The following KAZN variants were observed in gnomAD, a reference collection of about 807,000 sequenced individuals.
KAZN encodes the protein kazrin.
KAZN carries 40 observed loss-of-function variants against 87.4 expected under a neutral mutation model. The observed-to-expected ratio is 0.46, with a 90% CI of 0.36 to 0.60. KAZN has a LOEUF of 0.60. Among genes scored for constraint, KAZN ranks in the 20% least tolerant of loss-of-function variants. The pLI is 0.00. For synonymous variants in KAZN, 466 were observed against 458.3 expected (o/e 1.02, Z -0.22); for missense variants, 898 against 1,073.9 (o/e 0.84, Z 2.29).
chr1:14,845,982 C>T lies in KAZN; in HGVS notation c.227-114702C>T, dbSNP rs368548088. 4.6e-5 allele frequency among the ~76,000 whole-genome samples: 7 copies of T among 152,268 alleles called. No individual in the cohort carries two copies. The East Asian group carries it at 1.4e-3, about 29-fold the overall frequency. Reference sequence around the variant, plus strand: ...GCCAAGTTAGTCAACAGAAAAATCCCGTGTCTCCCAGGAGTGGGCTGACTT... The same window carrying T: ...GCCAAGTTAGTCAACAGAAAAATCCTGTGTCTCCCAGGAGTGGGCTGACTT... On this transcript the variant is annotated intron_variant, in intron 1 of 14. Coordinates refer to ENST00000376030, the MANE Select transcript of KAZN (RefSeq NM_201628.3).
At chr1:14,166,037 A>G (rs1645818365) in intron 1 of KAZN, among the ~76,000 whole-genome samples, 1 of 152,200 alleles carries the variant, frequency 6.6e-6, no homozygotes, top group Admixed American at 6.5e-5. Flanking sequence ...AGTAAATTAA[A>G]AAAACTAACA....
chr1:15,037,110 C>T (rs1003194023), intron 3 of KAZN, among the ~76,000 whole-genome samples: 2 of 152,126 alleles, frequency 1.3e-5, no homozygotes, highest in Admixed American at 1.3e-4. Context: ...CTGTGTCCAC[C>T]TCTCTCATTT....
intron 1 of KAZN, among the ~76,000 whole-genome samples, chr1:14,901,575 C>T (rs1294527803): frequency 2.6e-5 from 4 of 152,088 alleles, no homozygotes; most frequent in Non-Finnish European, 4.4e-5. Context: ...CTGCTGTGAT[C>T]GTCCAGGGGA....
chr1:13,937,585 G>T (rs12031130), intron 1 of KAZN, among the ~76,000 whole-genome samples: 1 of 152,094 alleles, frequency 6.6e-6, no homozygotes, highest in Non-Finnish European at 1.5e-5. Flanking sequence ...GGACTTAGTC[G>T]TAAGTTCTTT....
intron 2 of KAZN, among the ~76,000 whole-genome samples, chr1:14,459,036 G>A (rs1270008308): frequency 2.0e-5 from 3 of 152,246 alleles, no homozygotes; most frequent in East Asian, 1.9e-4. Context: ...GGGTGGCCCC[G>A]TTACTTGCTT....
chr1:14,971,682 T>TA (rs1665058289), intron 2 of KAZN, among the ~76,000 whole-genome samples: 1 of 91,922 alleles, frequency 1.1e-5, no homozygotes, highest in Non-Finnish European at 1.8e-5. Flanking sequence ...TTTCTTTTTC[T>TA]TTTTTTTTTT....
intron 1 of KAZN, among the ~76,000 whole-genome samples, chr1:14,947,268 TC>T (rs1480196816): frequency 1.3e-5 from 2 of 152,170 alleles, no homozygotes; most frequent in African/African-American, 4.8e-5. Context: ...AATTTTTTTT[TC>T]CTCAAGGGTG....
At chr1:14,099,422 C>T (rs1310523093) in intron 1 of KAZN, among the ~76,000 whole-genome samples, 1 of 152,120 alleles carries the variant, frequency 6.6e-6, no homozygotes, top group African/African-American at 2.4e-5. Flanking sequence ...CAAATATAGC[C>T]TGTACCCTGT....
chr1:14,978,195 T>A (rs6429699), intron 2 of KAZN, among the ~76,000 whole-genome samples: 27,119 of 152,168 alleles, frequency 0.18, 2,637 homozygotes, highest in African/African-American at 0.23. Flanking sequence ...ACATGCTTGC[T>A]GGCAGGGCCT....
chr1:14,123,537 A>C (rs1644795947), intron 1 of KAZN, among the ~76,000 whole-genome samples: 1 of 152,186 alleles, frequency 6.6e-6, no homozygotes, highest in African/African-American at 2.4e-5. Flanking sequence ...AATTCCAAAT[A>C]CAGAGAAGAG....
At chr1:14,997,519 T>C (rs1573015944) in intron 2 of KAZN, among the ~76,000 whole-genome samples, 1 of 152,018 alleles carries the variant, frequency 6.6e-6, no homozygotes, top group Admixed American at 6.6e-5. Flanking sequence ...GGATTACAGG[T>C]GTGAGCCACC....
At chr1:14,541,453 G>C (rs569216956) in intron 2 of KAZN, among the ~76,000 whole-genome samples, 2 of 152,306 alleles carry the variant, frequency 1.3e-5, no homozygotes, top group South Asian at 4.1e-4. Context: ...CAGTGAAGGT[G>C]AATCTTGAGC....
chr1:15,028,319 G>T (rs1671370422), intron 2 of KAZN, among the ~76,000 whole-genome samples: 1 of 152,246 alleles, frequency 6.6e-6, no homozygotes, highest in Non-Finnish European at 1.5e-5. Flanking sequence ...TGGCTTGGCT[G>T]CTGGAATAGG....
intron 11 of KAZN, 100 bp from the exon 12 acceptor site, chr1:15,103,257 ACT>A (rs1303131271): frequency 8.6e-6 from 7 of 809,584 alleles, no homozygotes; most frequent in East Asian, 2.7e-5. Context: ...GCAGAGAGAG[ACT>A]CTGTCTCGGG....
intron 1 of KAZN, among the ~76,000 whole-genome samples, chr1:14,733,694 G>A (rs1349311967): frequency 6.6e-6 from 1 of 152,130 alleles, no homozygotes; most frequent in Non-Finnish European, 1.5e-5. Flanking sequence ...GCAGCTTCCT[G>A]GATGTGTCTG....
intron 2 of KAZN, among the ~76,000 whole-genome samples, chr1:14,253,987 G>A (rs1650281289): frequency 1.3e-5 from 2 of 151,424 alleles, no homozygotes; most frequent in Admixed American, 1.3e-4. Context: ...ATGCATTTTT[G>A]GTTTCGTTTA....
intron 2 of KAZN, among the ~76,000 whole-genome samples, chr1:14,186,169 G>A (rs1646302857): frequency 6.6e-6 from 1 of 152,174 alleles, no homozygotes; most frequent in African/African-American, 2.4e-5. Flanking sequence ...ACATCATAGA[G>A]CTTTTATGTT....
At chr1:13,946,580 C>T (rs1195825242) in intron 1 of KAZN, among the ~76,000 whole-genome samples, 1 of 152,140 alleles carries the variant, frequency 6.6e-6, no homozygotes, top group Non-Finnish European at 1.5e-5. Flanking sequence ...GACATTGTTT[C>T]ACAACTGTCC....
intron 2 of KAZN, among the ~76,000 whole-genome samples, chr1:14,498,031 TGCTTCTCCTTCACCTC>T (rs78355179): frequency 0.048 from 7,281 of 152,304 alleles, 252 homozygotes; most frequent in Non-Finnish European, 0.067. Flanking sequence ...TTTTACAAGC[TGCTTCTCCTTCACCTC>T]ATTCGTATTC....
Sources: allele counts gnomAD v4.1 joint callset (sites outside exome capture counted in the v4.1 genomes callset), GRCh38; gene constraint gnomAD v4.1.1; transcripts MANE v1.5; gene names NCBI Gene and HGNC (gene_info 2026-07-23, HGNC 2026-07-21).